PPARG: variants seen among roughly 807,000 people sequenced by gnomAD.
PPARG encodes the protein peroxisome proliferator-activated receptor gamma.
A neutral mutation model predicts 39.2 loss-of-function variants in PPARG; 17 were observed. The ratio of observed to expected loss-of-function variants is 0.43; its 90% CI spans 0.30 to 0.65. The LOEUF is 0.65. Among genes scored for constraint, PPARG ranks in the 30% least tolerant of loss-of-function variants. The probability of loss-of-function intolerance (pLI) is 0.13; values close to 1 mark genes in which losing one functional copy is unlikely to be tolerated. For missense variants in PPARG, 406 were observed against 585.9 expected, an observed-to-expected ratio of 0.69 and a Z score of 3.17; for synonymous variants, 223 against 215.7, an observed-to-expected ratio of 1.03 and a Z score of -0.30.
chr3:12,373,764 C>G (rs1186287833), intron 2 of PPARG, among the ~76,000 whole-genome samples: 3 of 152,110 alleles, frequency 2.0e-5, no homozygotes, highest in African/African-American at 7.2e-5. Context: ...GATAGTTATC[C>G]AGATAATTAT....
intron 2 of PPARG, among the ~76,000 whole-genome samples, chr3:12,342,824 A>G (rs886859071): frequency 4.6e-5 from 7 of 151,982 alleles, no homozygotes; most frequent in Non-Finnish European, 7.4e-5. Context: ...AAAAACCCCT[A>G]CCTTTTCAGA....
intron 2 of PPARG, among the ~76,000 whole-genome samples, chr3:12,320,572 C>G (rs773363805): frequency 6.6e-6 from 1 of 152,140 alleles, no homozygotes; most frequent in Non-Finnish European, 1.5e-5. Flanking sequence ...TGGGTCACAC[C>G]TGTAATCCCA....
chr3:12,346,622 A>C (rs995597654), intron 2 of PPARG, among the ~76,000 whole-genome samples: 5 of 151,414 alleles, frequency 3.3e-5, no homozygotes, highest in Non-Finnish European at 7.4e-5. Context: ...CCAAAGATAC[A>C]TTTACTGGAG....
intron 2 of PPARG, among the ~76,000 whole-genome samples, chr3:12,357,874 C>T (rs1295788644): frequency 6.6e-6 from 1 of 152,160 alleles, no homozygotes; most frequent in African/African-American, 2.4e-5. Flanking sequence ...AGAAAAGATC[C>T]ATGTTTTATT....
intron 1 of PPARG, among the ~76,000 whole-genome samples, chr3:12,298,402 GACAC>G (rs561853093): frequency 4.3e-5 from 6 of 140,264 alleles, no homozygotes; most frequent in Admixed American, 7.3e-5. Flanking sequence ...TATATGTATA[GACAC>G]ACACACACAC....
chr3:12,379,778 A>G lies in PPARG; in HGVS notation c.67A>G (p.Met23Val). 5.0e-6 allele frequency: 8 copies of G among 1,613,996 alleles called. No homozygotes were observed. The highest frequency in any genetic ancestry group is 6.8e-6 in the Non-Finnish European group (8 of 1,179,944). Residue 23 changes from methionine to valine, a missense_variant, in exon 3 of 8, where the codon ATG (methionine) becomes GTG (valine). By Grantham distance (21) the Met-to-Val change is conservative. Around this residue, in one of 2 missense-constraint regions of PPARG, gnomAD observed 131 missense variants for 127.9 expected, o/e 1.02. Transcript: ENST00000651735. ...GATCAGCTCCGTGGATCTCTCCGTA[A>G]TGGAAGACCACTCCCACTCCTTTGA... ...FGISSVDLSVMEDHSHSFDIK... is the reference protein window; with the variant it reads ...FGISSVDLSVVEDHSHSFDIK...
At chr3:12,419,411 T>A (rs958908666) in intron 7 of PPARG, among the ~76,000 whole-genome samples, 1 of 152,126 alleles carries the variant, frequency 6.6e-6, no homozygotes, top group African/African-American at 2.4e-5. Context: ...AATATTAAAT[T>A]TTGAAAAACC....
intron 2 of PPARG, among the ~76,000 whole-genome samples, chr3:12,323,991 G>A (rs2047619919): frequency 6.6e-6 from 1 of 152,148 alleles, no homozygotes; most frequent in African/African-American, 2.4e-5. Flanking sequence ...GGTGGGAATA[G>A]TGTTGGAGAG....
chr3:12,306,348 T>G (rs2047062991), intron 1 of PPARG, among the ~76,000 whole-genome samples: 1 of 152,224 alleles, frequency 6.6e-6, no homozygotes, highest in South Asian at 2.1e-4. Context: ...CGTGGCCCAG[T>G]TCCTAACAGG....
intron 2 of PPARG, among the ~76,000 whole-genome samples, chr3:12,354,945 T>G (rs4135306): frequency 0.03 from 4,593 of 152,226 alleles, 235 homozygotes; most frequent in African/African-American, 0.1. Flanking sequence ...TTGTGTCTAA[T>G]TTTTTTAAAT....
At chr3:12,329,194 A>G (rs959894852) in intron 2 of PPARG, among the ~76,000 whole-genome samples, 19 of 150,380 alleles carry the variant, frequency 1.3e-4, no homozygotes, top group African/African-American at 3.4e-4. Context: ...CCTACTGCAT[A>G]GTGTAATAGT....
At chr3:12,344,376 T>G (rs1450427403) in intron 2 of PPARG, among the ~76,000 whole-genome samples, 3 of 137,356 alleles carry the variant, frequency 2.2e-5, no homozygotes, top group Non-Finnish European at 4.6e-5. Context: ...TTATAATGTG[T>G]CTAATAAAGA....
chr3:12,354,831 C>G (rs373610527), intron 2 of PPARG, among the ~76,000 whole-genome samples: 8 of 151,796 alleles, frequency 5.3e-5, no homozygotes, highest in African/African-American at 1.9e-4. Flanking sequence ...CCGCAGAACT[C>G]TTTATTGCAC....
intron 4 of PPARG, among the ~76,000 whole-genome samples, chr3:12,387,081 G>T (rs958128213): frequency 1.3e-5 from 2 of 152,140 alleles, no homozygotes; most frequent in African/African-American, 4.8e-5. Flanking sequence ...AGTATTCTAT[G>T]ATGTATATGT....
At chr3:12,362,683 A>T (rs1352753328) in intron 2 of PPARG, among the ~76,000 whole-genome samples, 2 of 151,624 alleles carry the variant, frequency 1.3e-5, no homozygotes, top group African/African-American at 2.4e-5. Flanking sequence ...CATTGGATGG[A>T]TTTCCAGTAC....
chr3:12,384,489 C>T (rs1226578799), intron 4 of PPARG, among the ~76,000 whole-genome samples: 1 of 152,050 alleles, frequency 6.6e-6, no homozygotes, highest in African/African-American at 2.4e-5. Context: ...TTAGTATGTA[C>T]CAGATACTAT....
At chr3:12,341,888 T>A (rs183094555) in intron 2 of PPARG, among the ~76,000 whole-genome samples, 54 of 152,238 alleles carry the variant, frequency 3.5e-4, no homozygotes, top group African/African-American at 1.2e-3. Flanking sequence ...ACTCCAAGTA[T>A]TGATTCAGGA....
intron 1 of PPARG, among the ~76,000 whole-genome samples, chr3:12,303,883 T>C (rs2046991191): frequency 6.6e-6 from 1 of 152,242 alleles, no homozygotes; most frequent in Non-Finnish European, 1.5e-5. Context: ...AATGTGAACT[T>C]AGTAGAACAT....
chr3:12,410,360 T>A (rs1206554326), intron 6 of PPARG, among the ~76,000 whole-genome samples: 1 of 152,232 alleles, frequency 6.6e-6, no homozygotes, highest in Non-Finnish European at 1.5e-5. Context: ...ATGATCACAC[T>A]GGGCGTATCA....
Sources: allele counts gnomAD v4.1 joint callset (sites outside exome capture counted in the v4.1 genomes callset), GRCh38; gene constraint gnomAD v4.1.1; regional missense constraint gnomAD v4.1.1; transcripts MANE v1.5; gene names NCBI Gene and HGNC (gene_info 2026-07-23, HGNC 2026-07-21).